The following CDC40 variants were observed in gnomAD, a reference collection of about 807,000 sequenced individuals.
The protein encoded by CDC40 is pre-mRNA-processing factor 17.
In CDC40, 27 loss-of-function variants were observed where a neutral mutation model predicts 80.6. The ratio of observed to expected loss-of-function variants is 0.33; its 90% CI spans 0.25 to 0.46. CDC40 has a LOEUF of 0.46. Among genes scored for constraint, CDC40 ranks in the 20% least tolerant of loss-of-function variants. The pLI, the probability that CDC40 is intolerant of heterozygous loss-of-function variation, is 1.00. For synonymous variants in CDC40, 221 were observed against 232.6 expected, an observed-to-expected ratio of 0.95 and a Z score of 0.45; for missense variants, 486 against 694.1, an observed-to-expected ratio of 0.70 and a Z score of 3.37.
intron 2 of CDC40, among the ~76,000 whole-genome samples, chr6:110,198,734 A>C (rs1217303785): frequency 6.6e-6 from 1 of 152,168 alleles, no homozygotes; most frequent in East Asian, 1.9e-4. Context: ...ACGCATATGA[A>C]CTTGAATATA....
intron 4 of CDC40, 83 bp from the exon 5 acceptor site, chr6:110,209,001 A>G (rs1365849366): frequency 1.6e-5 from 14 of 866,852 alleles, no homozygotes; most frequent in Non-Finnish European, 2.3e-5. Context: ...AAATAAAATT[A>G]AACATATGTT....
chr6:110,197,400 CAT>C (rs1777431875), intron 2 of CDC40, among the ~76,000 whole-genome samples: 1 of 152,162 alleles, frequency 6.6e-6, no homozygotes, highest in Non-Finnish European at 1.5e-5. Context: ...AGCTAATTAA[CAT>C]ATGCATTACT....
chr6:110,212,888 TA>T (rs897170320), intron 7 of CDC40, among the ~76,000 whole-genome samples, 197 bp from the exon 8 acceptor site: 26 of 150,306 alleles, frequency 1.7e-4, no homozygotes, highest in African/African-American at 6.1e-4. Flanking sequence ...TATTAAAGGT[TA>T]AAAAAAAAAT....
intron 2 of CDC40, among the ~76,000 whole-genome samples, chr6:110,196,661 A>G (rs2114653847): frequency 6.6e-6 from 1 of 152,296 alleles, no homozygotes; most frequent in African/African-American, 2.4e-5. Context: ...TAATGTTATG[A>G]TGAACTTTAG....
At chr6:110,219,123 A>G (rs1229220758) in intron 10 of CDC40, among the ~76,000 whole-genome samples, 1 of 152,034 alleles carries the variant, frequency 6.6e-6, no homozygotes, top group African/African-American at 2.4e-5. Flanking sequence ...GCACTATTCC[A>G]TTATATGAAT....
intron 8 of CDC40, among the ~76,000 whole-genome samples, chr6:110,214,879 T>C (rs539653752): frequency 2.0e-4 from 30 of 152,246 alleles, no homozygotes; most frequent in Non-Finnish European, 4.0e-4. Context: ...AAATGTTATA[T>C]ACATGGCAGT....
intron 13 of CDC40, among the ~76,000 whole-genome samples, chr6:110,228,460 G>C (rs1777893682): frequency 6.6e-6 from 1 of 151,914 alleles, no homozygotes; most frequent in Non-Finnish European, 1.5e-5. Context: ...CCACAGATAA[G>C]TCTCTTTCTC....
At chr6:110,201,716 A>C (rs1201917314) in intron 3 of CDC40, 29 bp downstream of exon 3, 12 of 1,603,628 alleles carry the variant, frequency 7.5e-6, no homozygotes, top group Non-Finnish European at 1.0e-5. Context: ...AGCAGTTTCA[A>C]TTTTGGCTTT....
chr6:110,180,627 A>G lies in CDC40; in HGVS notation c.183A>G (p.Ala61=), dbSNP rs1777168788. ...AVAVDSAPEV[A]VKEDLETGVH... is the part of the protein sequence containing the mutation. Reference sequence around the variant, plus strand: ...CAGTGGACTCGGCTCCGGAGGTGGCAGTTAAGGTAAGCACTTTTGCTACTA... The same window carrying G: ...CAGTGGACTCGGCTCCGGAGGTGGCGGTTAAGGTAAGCACTTTTGCTACTA... Residue 61 remains alanine (A), a synonymous_variant, in exon 1 of 15, where the codon GCA becomes GCG. Coordinates refer to ENST00000307731, the MANE Select transcript of CDC40 (RefSeq NM_015891.3). The G allele has an allele frequency of 3.1e-6, 5 of 1,611,724 alleles. No individual in the cohort carries two copies. The highest frequency in any genetic ancestry group is 1.3e-5 in the African/African-American group (1 of 75,004).
chr6:110,210,797 T>G lies in CDC40; in HGVS notation c.721T>G (p.Leu241Val), dbSNP rs1198978368. ...EEKPGEEKTILHVKEMYDYQG... is the reference protein window; with the variant it reads ...EEKPGEEKTIVHVKEMYDYQG... ...GAAACCTGGGGAGGAGAAGACAATC[T>G]TACATGGTAACATATTTTTTGTACA... The change falls in exon 6 of 15, where the codon TTA (leucine) becomes GTA (valine). Residue 241 changes from leucine to valine, a missense_variant. Leu to Val is a conservative substitution (Grantham distance 32). This residue lies in a region of CDC40 where 381 missense variants were observed against 492.1 expected (regional missense o/e 0.77). Transcript: ENST00000307731. The G allele has an allele frequency of 6.5e-7, 1 of 1,532,392 alleles. No individual in the cohort carries two copies. Among genetic ancestry groups the G allele is most frequent in the East Asian group, 2.4e-5 (1 of 42,332 alleles). 94.9% of individuals were successfully genotyped at this position (1,532,392 alleles called of 1,614,324 possible). A position where few individuals can be genotyped will look rare whatever the true frequency, so the allele number is the denominator to read the frequency against.
At chr6:110,215,165 T>C in intron 8 of CDC40, 121 bp from the exon 9 acceptor site, 2 of 717,128 alleles carry the variant, frequency 2.8e-6, no homozygotes. Context: ...ATTTAATGAT[T>C]GAAGCTGTGC....
chr6:110,211,179 A>G (rs1777632882), intron 6 of CDC40: 1 of 152,590 alleles, frequency 6.6e-6, no homozygotes, highest in African/African-American at 2.4e-5. Context: ...ATACTCAGGT[A>G]TCCTCACAGT....
chr6:110,230,508 C>T lies in CDC40; in HGVS notation c.*377C>T, dbSNP rs1480438230. On this transcript the variant is annotated 3_prime_UTR_variant, in exon 15 of 15. Coordinates refer to ENST00000307731, the MANE Select transcript of CDC40 (RefSeq NM_015891.3). ...AGAAAAATGCATGTATTTACCTCTTCAACCAAAAGGGCAGTAAAGAATAGG... is the reference window on the plus strand; with the variant it reads ...AGAAAAATGCATGTATTTACCTCTTTAACCAAAAGGGCAGTAAAGAATAGG... 1 of 170,462 alleles carries T rather than the reference C, an allele frequency of 5.9e-6. No homozygotes were observed. Among genetic ancestry groups the T allele is most frequent in the African/African-American group, 2.5e-5 (1 of 40,586 alleles). The allele number at this position is 170,462 out of a possible 1,614,324, so 10.6% of individuals were successfully genotyped here.
At chr6:110,209,524 C>G (rs1777606243) in intron 5 of CDC40, among the ~76,000 whole-genome samples, 1 of 152,096 alleles carries the variant, frequency 6.6e-6, no homozygotes, top group Admixed American at 6.6e-5. Context: ...TCTTCTGATA[C>G]TAGACATTCA....
At chr6:110,220,074 T>C (rs1001420387) in intron 12 of CDC40, among the ~76,000 whole-genome samples, 1 of 152,202 alleles carries the variant, frequency 6.6e-6, no homozygotes, top group African/African-American at 2.4e-5. Flanking sequence ...AATCTTTGGA[T>C]AGTCTTTCCA....
At chr6:110,204,962 C>T (rs890624186) in intron 3 of CDC40, among the ~76,000 whole-genome samples, 5 of 152,084 alleles carry the variant, frequency 3.3e-5, no homozygotes, top group South Asian at 4.1e-4. Context: ...CCACGATGCC[C>T]GGCCCTATTT....
At chr6:110,226,914 G>C (rs983947153) in intron 13 of CDC40, among the ~76,000 whole-genome samples, 6 of 151,906 alleles carry the variant, frequency 3.9e-5, no homozygotes, top group African/African-American at 1.5e-4. Flanking sequence ...TAGCTACTTG[G>C]TCAGGCTGAG....
chr6:110,210,876 A>G, intron 6 of CDC40, 73 bp downstream of exon 6: 1 of 635,492 alleles, frequency 1.6e-6, no homozygotes. Context: ...TTCATACAAT[A>G]TCAATTACCC....
chr6:110,227,752 G>T (rs989842118), intron 13 of CDC40, among the ~76,000 whole-genome samples: 1 of 152,158 alleles, frequency 6.6e-6, no homozygotes, highest in Non-Finnish European at 1.5e-5. Flanking sequence ...GTTGCATTAG[G>T]CATTATAAGT....
Sources: allele counts gnomAD v4.1 joint callset (sites outside exome capture counted in the v4.1 genomes callset), GRCh38; gene constraint gnomAD v4.1.1; regional missense constraint gnomAD v4.1.1; transcripts MANE v1.5; gene names NCBI Gene and HGNC (gene_info 2026-07-23, HGNC 2026-07-21).